The following PLD5 variants were observed in gnomAD, a reference collection of about 807,000 sequenced individuals.
The protein encoded by PLD5 is inactive phospholipase D5.
PLD5 carries 36 observed loss-of-function variants against 61.1 expected under a neutral mutation model. The observed-to-expected ratio is 0.59, with a 90% confidence interval of 0.45 to 0.78. The LOEUF is 0.78. Among genes scored for constraint, PLD5 ranks in the 30% least tolerant of loss-of-function variants. The pLI is 0.00. For missense variants in PLD5, 515 were observed against 644.4 expected (o/e 0.80, Z 2.17); for synonymous variants, 243 against 242.8 (o/e 1.00, Z -0.01).
At chr1:242,517,235 A>G (rs1005160993) in intron 1 of PLD5, among the ~76,000 whole-genome samples, 11 of 152,190 alleles carry the variant, frequency 7.2e-5, no homozygotes, top group African/African-American at 2.4e-4. Flanking sequence ...TACAATGCCA[A>G]CTAAAAGCGA....
At chr1:242,117,941 G>A (rs1291530328) in intron 6 of PLD5, among the ~76,000 whole-genome samples, 1 of 151,040 alleles carries the variant, frequency 6.6e-6, no homozygotes, top group African/African-American at 2.4e-5. Context: ...CTCCAGATGG[G>A]TTCTCAGAAG....
intron 3 of PLD5, among the ~76,000 whole-genome samples, chr1:242,266,118 C>T (rs1350540400): frequency 6.6e-6 from 1 of 152,212 alleles, no homozygotes; most frequent in East Asian, 1.9e-4. Context: ...GTTCATGCCT[C>T]TAATCCCAGA....
At chr1:242,107,635 C>T (rs562753763) in intron 8 of PLD5, 36 bp downstream of exon 8, 18 of 1,529,608 alleles carry the variant, frequency 1.2e-5, no homozygotes, top group Non-Finnish European at 1.6e-5. Context: ...AGGGCATTCA[C>T]TTTTTATTTA....
In PLD5 at chr1:242,466,392, C is replaced by T. The variant is rs183599728; in HGVS notation, c.189+57696G>A. Among the ~76,000 whole-genome samples, 19 of 151,974 alleles carry T rather than the reference C, an allele frequency of 1.3e-4. No individual in the cohort carries two copies. The South Asian group carries it at 2.1e-3, about 17-fold the overall frequency. On this transcript the variant is annotated intron_variant, in intron 1 of 9. Transcript: ENST00000536534. ...AGTGACTGCTAGTGAGAAATTAGTACGGGCATGCAATTAGGGACAGGTTCA... is the reference window on the plus strand; with the variant it reads ...AGTGACTGCTAGTGAGAAATTAGTATGGGCATGCAATTAGGGACAGGTTCA...
intron 3 of PLD5, among the ~76,000 whole-genome samples, chr1:242,269,006 C>A (rs939861133): frequency 6.6e-6 from 1 of 152,020 alleles, no homozygotes; most frequent in Non-Finnish European, 1.5e-5. Flanking sequence ...CCATGATCGA[C>A]TAATTTTTGT....
At chr1:242,373,333 C>T (rs1481066311) in intron 1 of PLD5, among the ~76,000 whole-genome samples, 1 of 152,162 alleles carries the variant, frequency 6.6e-6, no homozygotes, top group Non-Finnish European at 1.5e-5. Flanking sequence ...GAAACAGGAA[C>T]ACTTTTACAC....
At chr1:242,512,550 G>A (rs1290939612) in intron 1 of PLD5, among the ~76,000 whole-genome samples, 1 of 152,160 alleles carries the variant, frequency 6.6e-6, no homozygotes, top group Non-Finnish European at 1.5e-5. Flanking sequence ...ATTCAGGCAA[G>A]GCAACAAGCT....
At chr1:242,304,697 T>C (rs934862828) in intron 2 of PLD5, among the ~76,000 whole-genome samples, 2 of 152,348 alleles carry the variant, frequency 1.3e-5, no homozygotes, top group Admixed American at 1.3e-4. Flanking sequence ...TCCGGTATTT[T>C]TTCATTTTAT....
chr1:242,462,737 T>C lies in PLD5; in HGVS notation c.189+61351A>G, dbSNP rs116715847. ...GTGCCACCAGATGAGGAGGTCTGCA[T>C]AGATAACCTCACTGTTCCTCACTGC... On this transcript the variant is annotated intron_variant, in intron 1 of 9. Coordinates refer to ENST00000536534, the MANE Select transcript of PLD5 (RefSeq NM_001372062.1). Among the ~76,000 whole-genome samples, 890 of 152,244 alleles carry C rather than the reference T, an allele frequency of 5.8e-3. 10 individuals carry two copies. Among genetic ancestry groups the C allele is most frequent in the African/African-American group, 0.02 (834 of 41,524 alleles).
chr1:242,233,154 A>AAATGAATGAATGAATG (rs55916345), intron 4 of PLD5, among the ~76,000 whole-genome samples: 50 of 149,962 alleles, frequency 3.3e-4, no homozygotes, highest in South Asian at 1.5e-3. Flanking sequence ...ATTCTGACTC[A>AAATGAATGAATGAATG]AATGAATGAA....
intron 5 of PLD5, among the ~76,000 whole-genome samples, chr1:242,162,136 A>G (rs1250964089): frequency 1.3e-5 from 2 of 152,202 alleles, no homozygotes; most frequent in Non-Finnish European, 2.9e-5. Flanking sequence ...TGGAAGCTAA[A>G]TTCTCCTTTA....
intron 1 of PLD5, among the ~76,000 whole-genome samples, chr1:242,415,190 G>A (rs974663535): frequency 6.6e-6 from 1 of 152,162 alleles, no homozygotes; most frequent in African/African-American, 2.4e-5. Context: ...AGGAGAATTT[G>A]GTAGCATCTA....
chr1:242,216,961 C>T (rs1457872443), intron 5 of PLD5, among the ~76,000 whole-genome samples: 3 of 152,188 alleles, frequency 2.0e-5, no homozygotes, highest in Non-Finnish European at 4.4e-5. Context: ...ATCAACTCTG[C>T]CTGTGCTCTA....
At chr1:242,136,337 T>C (rs1359584120) in intron 5 of PLD5, among the ~76,000 whole-genome samples, 1 of 152,214 alleles carries the variant, frequency 6.6e-6, no homozygotes, top group Non-Finnish European at 1.5e-5. Flanking sequence ...TAGAATTTTA[T>C]AAAGGTGACA....
intron 1 of PLD5, among the ~76,000 whole-genome samples, chr1:242,446,268 A>G (rs1666533899): frequency 6.6e-6 from 1 of 151,352 alleles, no homozygotes; most frequent in Admixed American, 6.6e-5. Flanking sequence ...AAATAATAAT[A>G]AAATTAAGAA....
chr1:242,177,306 A>G (rs1211305626), intron 5 of PLD5, among the ~76,000 whole-genome samples: 10 of 152,170 alleles, frequency 6.6e-5, no homozygotes. Context: ...TCATCAAACT[A>G]ACACAGGAAC....
At chr1:242,293,377 G>T (rs765920645) in intron 2 of PLD5, among the ~76,000 whole-genome samples, 1 of 152,130 alleles carries the variant, frequency 6.6e-6, no homozygotes, top group Non-Finnish European at 1.5e-5. Flanking sequence ...GTCCAGCAAG[G>T]TCTGAAAATA....
intron 1 of PLD5, among the ~76,000 whole-genome samples, chr1:242,436,616 T>C (rs1167203283): frequency 6.6e-6 from 1 of 152,176 alleles, no homozygotes; most frequent in Non-Finnish European, 1.5e-5. Context: ...AGCCTATACA[T>C]ATAAGCTAAT....
chr1:242,377,182 C>G, intron 1 of PLD5: 1 of 1,611,524 alleles, frequency 6.2e-7, no homozygotes, highest in Non-Finnish European at 8.5e-7. Context: ...GAGAGAGAGA[C>G]GTGAGACGTG....
Sources: gnomAD v4.1 joint callset for allele counts (sites outside exome capture counted in the v4.1 genomes callset) on GRCh38, gnomAD v4.1.1 for gene constraint, MANE v1.5 for transcripts, NCBI Gene and HGNC (gene_info 2026-07-23, HGNC 2026-07-21) for gene names.